Variants in CACHD1 observed in about 807,000 individuals in gnomAD.
CACHD1 encodes VWFA and cache domain-containing protein 1.
Under a neutral mutation model 138.7 loss-of-function variants are expected in CACHD1, and 71 were observed. The observed-to-expected ratio is 0.51, with a 90% CI of 0.42 to 0.62. The LOEUF (loss-of-function observed/expected upper bound fraction) is 0.62, where lower values mean the gene tolerates loss of function less well. CACHD1 is among the 20% of genes least tolerant of loss of function. The pLI is 0.00. For synonymous variants in CACHD1, 578 were observed against 591.5 expected (o/e 0.98, Z 0.33); for missense variants, 1,389 against 1,625.3 (o/e 0.85, Z 2.50).
intron 26 of CACHD1, among the ~76,000 whole-genome samples, chr1:64,683,217 C>CA (rs1230610043): frequency 6.6e-6 from 1 of 152,172 alleles, no homozygotes; most frequent in Non-Finnish European, 1.5e-5. Context: ...CTTTGAATGA[C>CA]ATTATTCCCA....
chr1:64,589,353 A>C (rs1237915226), intron 3 of CACHD1, among the ~76,000 whole-genome samples: 1 of 152,160 alleles, frequency 6.6e-6, no homozygotes, highest in Non-Finnish European at 1.5e-5. Context: ...TGCTGCAGAC[A>C]AAGCAATTAG....
chr1:64,490,446 A>T (rs1037982569), intron 1 of CACHD1, among the ~76,000 whole-genome samples: 1 of 152,164 alleles, frequency 6.6e-6, no homozygotes, highest in African/African-American at 2.4e-5. Flanking sequence ...TACATCAAAC[A>T]CTCACTGGGA....
intron 1 of CACHD1, among the ~76,000 whole-genome samples, chr1:64,522,181 G>C (rs994366690): frequency 1.4e-4 from 22 of 152,098 alleles, no homozygotes; most frequent in Non-Finnish European, 2.2e-4. Context: ...ATATCCAATT[G>C]TCCCAGCACT....
At chr1:64,475,482 G>A (rs572172165) in intron 1 of CACHD1, among the ~76,000 whole-genome samples, 2 of 152,090 alleles carry the variant, frequency 1.3e-5, no homozygotes, top group East Asian at 3.9e-4. Context: ...ATTCATTTTC[G>A]CATATATCCA....
At chr1:64,491,704 C>A (rs527334440) in intron 1 of CACHD1, among the ~76,000 whole-genome samples, 1 of 152,266 alleles carries the variant, frequency 6.6e-6, no homozygotes, top group Admixed American at 6.5e-5. Context: ...GCAGCCTTGA[C>A]CTCTCATGCA....
chr1:64,569,768 A>AT (rs1646912444), intron 2 of CACHD1, among the ~76,000 whole-genome samples: 1 of 151,794 alleles, frequency 6.6e-6, no homozygotes, highest in Non-Finnish European at 1.5e-5. Context: ...CTTGAAAAAA[A>AT]CATGGATCTG....
chr1:64,591,589 G>C (rs879468751), intron 3 of CACHD1, among the ~76,000 whole-genome samples: 1 of 152,214 alleles, frequency 6.6e-6, no homozygotes, highest in Non-Finnish European at 1.5e-5. Context: ...AATATTGGTT[G>C]CTTGAATGAG....
intron 1 of CACHD1, among the ~76,000 whole-genome samples, chr1:64,480,827 C>T (rs1161955049): frequency 6.6e-6 from 1 of 150,900 alleles, no homozygotes. Flanking sequence ...ATTTTATGAC[C>T]TACATCTCTC....
At chr1:64,580,339 C>T (rs962490897) in intron 2 of CACHD1, among the ~76,000 whole-genome samples, 10 of 152,104 alleles carry the variant, frequency 6.6e-5, no homozygotes, top group Non-Finnish European at 1.0e-4. Context: ...ACTGATTTTT[C>T]TCTCAATCAA....
At chr1:64,566,480 C>T (rs998550132) in intron 2 of CACHD1, among the ~76,000 whole-genome samples, 4 of 892 alleles carry the variant, frequency 4.5e-3, no homozygotes, top group African/African-American at 0.017. Context: ...GTTTTCAATT[C>T]CCCCCCCCCC....
chr1:64,523,681 C>T (rs1646514977), intron 1 of CACHD1, among the ~76,000 whole-genome samples: 1 of 152,126 alleles, frequency 6.6e-6, no homozygotes, highest in Non-Finnish European at 1.5e-5. Context: ...GAGTCTTTTT[C>T]TGAAGCTTTT....
rs373501390 is a variant in CACHD1, at chr1:64,599,065, T to A, written c.411-3741T>A. Reference sequence around the variant, plus strand: ...AGCTGCCTTACCCCTGTCACTGAGGTCACAGTGAAAAGGCCACATCTATGA... The same window carrying A: ...AGCTGCCTTACCCCTGTCACTGAGGACACAGTGAAAAGGCCACATCTATGA... On this transcript the variant is annotated intron_variant, in intron 3 of 26. Coordinates refer to ENST00000651257, the MANE Select transcript of CACHD1 (RefSeq NM_020925.4). Among the ~76,000 whole-genome samples, 18 of 152,010 alleles carry A rather than the reference T, an allele frequency of 1.2e-4. 3 individuals are homozygous for A. Among genetic ancestry groups the A allele is most frequent in the Admixed American group, 4.6e-4 (7 of 15,256 alleles).
Position 64,512,393 on chromosome 1 carries a change from C to CA in CACHD1, c.199-38175dup, listed in dbSNP as rs551616431. On this transcript the variant is annotated intron_variant, in intron 1 of 26. Transcript: ENST00000651257. ...TCGGTGACACAGTGAGACTGTGTCT[C>CA]AAAAAAAAAAAAAAAAAAAAAAAAA... Among the ~76,000 whole-genome samples the CA allele has an allele frequency of 9.1e-3, 718 of 78,556 alleles. 84 individuals carry two copies. The highest frequency in any genetic ancestry group is 0.027 in the African/African-American group (428 of 15,564). 51.5% of individuals were successfully genotyped at this position (78,556 alleles called of 152,430 possible). A position where few individuals can be genotyped will look rare whatever the true frequency, so the allele number is the denominator to read the frequency against.
chr1:64,530,385 C>T (rs1310602445), intron 1 of CACHD1, among the ~76,000 whole-genome samples: 1 of 152,026 alleles, frequency 6.6e-6, no homozygotes, highest in Non-Finnish European at 1.5e-5. Context: ...AAACTAAGGT[C>T]GTTGACAAGA....
At chr1:64,557,134 A>T (rs1646804778) in intron 2 of CACHD1, among the ~76,000 whole-genome samples, 1 of 152,124 alleles carries the variant, frequency 6.6e-6, no homozygotes, top group African/African-American at 2.4e-5. Flanking sequence ...AAAAAAAAAA[A>T]AATTAAGTTG....
At chr1:64,681,541 G>GGT (rs1553146851) in intron 25 of CACHD1, among the ~76,000 whole-genome samples, 107 of 68,148 alleles carry the variant, frequency 1.6e-3, no homozygotes, top group African/African-American at 4.1e-3. Context: ...ATTTTATTGT[G>GGT]TTTTTTTTTT....
At chr1:64,530,932 TG>T (rs1277413204) in intron 1 of CACHD1, among the ~76,000 whole-genome samples, 12,007 of 82,598 alleles carry the variant, frequency 0.15, 741 homozygotes, top group African/African-American at 0.17. Context: ...TGTTTTTTTT[TG>T]TTTTTTTTTT....
chr1:64,638,289 G>C (rs1461305594), intron 7 of CACHD1, among the ~76,000 whole-genome samples: 1 of 152,134 alleles, frequency 6.6e-6, no homozygotes, highest in Non-Finnish European at 1.5e-5. Context: ...GCTGTTTTAG[G>C]TGCCACATGT....
At chr1:64,622,966 A>G (rs185500692) in intron 4 of CACHD1, among the ~76,000 whole-genome samples, 1 of 152,338 alleles carries the variant, frequency 6.6e-6, no homozygotes, top group East Asian at 1.9e-4. Context: ...CTCTCCATTT[A>G]TCTATTTCTA....
Sources: allele counts gnomAD v4.1 joint callset (sites outside exome capture counted in the v4.1 genomes callset), GRCh38; gene constraint gnomAD v4.1.1; transcripts MANE v1.5; gene names NCBI Gene and HGNC (gene_info 2026-07-23, HGNC 2026-07-21).